Variants in BACH2 observed in about 807,000 individuals in gnomAD.
BACH2 encodes BACH transcriptional regulator 2.
BACH2 carries 5 observed loss-of-function variants against 61.8 expected under a neutral mutation model. The ratio of observed to expected loss-of-function variants is 0.08; its 90% confidence interval spans 0.04 to 0.17. The LOEUF is 0.17. Ranked by LOEUF, BACH2 falls within the 10% of genes least tolerant of loss-of-function variation. BACH2 has a pLI of 1.00. For synonymous variants in BACH2, 446 were observed against 440.1 expected (o/e 1.01, Z -0.17); for missense variants, 824 against 1,091.1 (o/e 0.76, Z 3.45).
At chr6:90,219,991 C>T (rs1464499767) in intron 3 of BACH2, among the ~76,000 whole-genome samples, 1 of 151,936 alleles carries the variant, frequency 6.6e-6, no homozygotes, top group Non-Finnish European at 1.5e-5. Context: ...AAACAGCCCA[C>T]ATTGAAAGAG....
intron 4 of BACH2, among the ~76,000 whole-genome samples, chr6:90,184,641 T>A (rs1394046206): frequency 6.6e-6 from 1 of 152,222 alleles, no homozygotes; most frequent in Non-Finnish European, 1.5e-5. Context: ...ATGAGGCAAC[T>A]CTTCCTAATA....
intron 2 of BACH2, among the ~76,000 whole-genome samples, chr6:90,255,623 A>G (rs1003671953): frequency 2.0e-5 from 3 of 152,224 alleles, no homozygotes; most frequent in African/African-American, 7.2e-5. Context: ...AGGAAACACA[A>G]TGAGACAAAT....
intron 8 of BACH2, among the ~76,000 whole-genome samples, chr6:89,934,292 T>C (rs1241152777): frequency 6.6e-6 from 1 of 152,228 alleles, no homozygotes; most frequent in East Asian, 1.9e-4. Flanking sequence ...CCTGTGTTAC[T>C]GAAATTCACC....
intron 5 of BACH2, among the ~76,000 whole-genome samples, chr6:90,014,827 G>T (rs1777970675): frequency 6.6e-6 from 1 of 151,852 alleles, no homozygotes; most frequent in South Asian, 2.1e-4. Flanking sequence ...TGCCCTGGCT[G>T]GAGTGCAGTG....
chr6:90,214,970 G>A (rs965022665), intron 3 of BACH2, among the ~76,000 whole-genome samples: 6 of 152,056 alleles, frequency 3.9e-5, no homozygotes, highest in Non-Finnish European at 7.4e-5. Flanking sequence ...GCATAGGCTG[G>A]TTTCAAACTC....
chr6:90,047,457 C>T (rs977408243), intron 5 of BACH2, among the ~76,000 whole-genome samples: 1 of 152,108 alleles, frequency 6.6e-6, no homozygotes, highest in Non-Finnish European at 1.5e-5. Context: ...GATGCCCTAC[C>T]CCACCTCGTT....
At chr6:90,013,500 TTTTC>T (rs996910567) in intron 5 of BACH2, among the ~76,000 whole-genome samples, 6 of 134,530 alleles carry the variant, frequency 4.5e-5, no homozygotes, top group East Asian at 2.1e-4. Flanking sequence ...TTCCCTTTCT[TTTTC>T]TTTTTCTTTT....
chr6:90,039,675 C>T (rs764654361), intron 5 of BACH2, among the ~76,000 whole-genome samples: 1 of 152,114 alleles, frequency 6.6e-6, no homozygotes, highest in Non-Finnish European at 1.5e-5. Context: ...TAAGCCACTG[C>T]GCCTGGCCAA....
intron 4 of BACH2, among the ~76,000 whole-genome samples, chr6:90,141,411 C>T (rs1371793912): frequency 2.0e-5 from 3 of 151,782 alleles, no homozygotes; most frequent in Non-Finnish European, 4.4e-5. Flanking sequence ...GAACTCCTGA[C>T]CTCAAGTGAT....
intron 4 of BACH2, among the ~76,000 whole-genome samples, chr6:90,169,516 A>T (rs1767743065): frequency 6.6e-6 from 1 of 152,152 alleles, no homozygotes; most frequent in Admixed American, 6.5e-5. Context: ...GCGGGTAGCC[A>T]CTACAATTGT....
intron 1 of BACH2, among the ~76,000 whole-genome samples, chr6:90,295,692 T>C (rs1189995725): frequency 2.0e-5 from 3 of 151,122 alleles, no homozygotes; most frequent in East Asian, 2.0e-4. Flanking sequence ...TGTTGCACCT[T>C]GACTTCATGG....
chr6:90,146,768 T>C (rs968547142), intron 4 of BACH2, among the ~76,000 whole-genome samples: 2 of 152,242 alleles, frequency 1.3e-5, no homozygotes, highest in Non-Finnish European at 2.9e-5. Context: ...TACTAAAAGA[T>C]AGGATAATGT....
intron 3 of BACH2, among the ~76,000 whole-genome samples, chr6:90,209,647 C>A (rs1769274528): frequency 1.3e-5 from 2 of 152,150 alleles, no homozygotes; most frequent in South Asian, 2.1e-4. Flanking sequence ...AAGATAATAA[C>A]AGACAAGGAT....
chr6:90,282,811 AT>A (rs370418460), intron 1 of BACH2, among the ~76,000 whole-genome samples: 11 of 151,302 alleles, frequency 7.3e-5, no homozygotes, highest in African/African-American at 2.7e-4. Context: ...AGCATCAATT[AT>A]TTTTTGTTTT....
At chr6:90,031,156 C>A (rs1778960095) in intron 5 of BACH2, among the ~76,000 whole-genome samples, 2 of 151,758 alleles carry the variant, frequency 1.3e-5, no homozygotes, top group African/African-American at 4.8e-5. Context: ...ATTCAACAAC[C>A]TTCATGCTAA....
chr6:90,224,976 C>T lies in BACH2; in HGVS notation c.-274-18295G>A, dbSNP rs1582506112. Among the ~76,000 whole-genome samples the T allele has an allele frequency of 5.3e-5, 8 of 152,252 alleles. 1 individual carries two copies. In the South Asian group the frequency reaches 1.7e-3, roughly 32 times the overall value. On this transcript the variant is annotated intron_variant, in intron 3 of 8. Transcript: ENST00000257749. ...GGACCAAAATTTGAAATACATTATTCATATCTCAATGTTGTTCATCCATTA... is the reference window on the plus strand; with the variant it reads ...GGACCAAAATTTGAAATACATTATTTATATCTCAATGTTGTTCATCCATTA...
At position 89,931,921 on chromosome 6, in the gene BACH2, A is replaced by G. The variant is rs948546549; in HGVS notation, c.*487T>C. ...GGATGAGAAAGTTGAGGCATGCAGG[A>G]CTTTTGCATATGGATATATATATAT... On this transcript the variant is annotated 3_prime_UTR_variant, in exon 9 of 9. Transcript: ENST00000257749. The G allele has an allele frequency of 7.5e-6, 1 of 133,264 alleles. No individual in the cohort carries two copies. Among genetic ancestry groups the G allele is most frequent in the Non-Finnish European group, 1.5e-5 (1 of 64,776 alleles). 8.3% of individuals were successfully genotyped at this position (133,264 alleles called of 1,614,324 possible). A position where few individuals can be genotyped will look rare whatever the true frequency, so the allele number is the denominator to read the frequency against.
chr6:90,045,456 G>C (rs567980902), intron 5 of BACH2, among the ~76,000 whole-genome samples: 2 of 152,198 alleles, frequency 1.3e-5, no homozygotes, highest in African/African-American at 4.8e-5. Flanking sequence ...AATTAATAAA[G>C]GTGGGGGGAA....
chr6:89,975,584 G>A (rs1469952088), intron 6 of BACH2, among the ~76,000 whole-genome samples: 1 of 152,104 alleles, frequency 6.6e-6, no homozygotes, highest in East Asian at 1.9e-4. Flanking sequence ...CCTCTGCCTG[G>A]CCGCTGTCTG....
Sources: allele counts gnomAD v4.1 joint callset (sites outside exome capture counted in the v4.1 genomes callset), GRCh38; gene constraint gnomAD v4.1.1; transcripts MANE v1.5; gene names NCBI Gene and HGNC (gene_info 2026-07-23, HGNC 2026-07-21).